Variants in DEPTOR observed in about 807,000 individuals in gnomAD.
DEPTOR encodes DEP domain-containing mTOR-interacting protein.
A neutral mutation model predicts 41.6 loss-of-function variants in DEPTOR; 41 were observed. The observed-to-expected ratio is 0.98, with a 90% CI of 0.77 to 1.28. The LOEUF is 1.28. Among genes scored for constraint, DEPTOR ranks in the 50% most tolerant of loss-of-function variants. DEPTOR has a pLI of 0.00. For synonymous variants in DEPTOR, 195 were observed against 192.3 expected (o/e 1.01, Z -0.12); for missense variants, 514 against 527.9 (o/e 0.97, Z 0.26).
At chr8:120,025,933 T>C (rs1021955424) in intron 8 of DEPTOR, among the ~76,000 whole-genome samples, 2 of 151,914 alleles carry the variant, frequency 1.3e-5, no homozygotes, top group South Asian at 4.1e-4. Flanking sequence ...TTACCTCCAT[T>C]ATAGCTTTTT....
intron 8 of DEPTOR, among the ~76,000 whole-genome samples, chr8:120,038,268 C>CAAAA (rs71771968): frequency 1.7e-5 from 2 of 116,614 alleles, no homozygotes; most frequent in African/African-American, 3.0e-5. Flanking sequence ...GAGTCTGTCT[C>CAAAA]AAAAAAAAAA....
intron 1 of DEPTOR, among the ~76,000 whole-genome samples, chr8:119,911,047 A>T (rs1284553211): frequency 2.6e-5 from 4 of 152,146 alleles, no homozygotes; most frequent in Admixed American, 1.3e-4. Flanking sequence ...TCAACACAGC[A>T]GAGCTGCCTC....
rs1453604293 is a variant in DEPTOR, at chr8:119,904,464, A to G, written c.123-23936A>G. Among the ~76,000 whole-genome samples the G allele has an allele frequency of 2.0e-5, 3 of 151,626 alleles. No homozygotes were observed. The East Asian group carries it at 5.9e-4, about 30-fold the overall frequency. On this transcript the variant is annotated intron_variant, in intron 1 of 8. Transcript: ENST00000286234. The stretch of plus-strand genomic sequence containing the variant: ...GTCAATTGCAGGTAGAAAAAACTGG[A>G]TACATTTTTTAAAAAATTAACTTTA...
intron 8 of DEPTOR, among the ~76,000 whole-genome samples, chr8:120,040,751 C>T (rs1056543453): frequency 6.6e-6 from 1 of 152,214 alleles, no homozygotes; most frequent in Admixed American, 6.5e-5. Flanking sequence ...CGTAAGTATT[C>T]TAGAGAGATG....
At position 120,003,019 on chromosome 8, in the gene DEPTOR, G is replaced by A. The variant is rs761205719; in HGVS notation, c.833G>A (p.Arg278Lys). ...ATCAAGATCGTGTCTGCAGTGAGGA[G>A]AAGCAGCATGAGCAGCTGTGGCAGC... ...KEIKIVSAVR[R>K]SSMSSCGSSG... is the part of the protein sequence containing the mutation. The change falls in exon 6 of 9, where the codon AGA (arginine) becomes AAA (lysine). Residue 278 changes from arginine to lysine, a missense_variant. Arg to Lys is a conservative substitution (Grantham distance 26). Coordinates refer to ENST00000286234, the MANE Select transcript of DEPTOR (RefSeq NM_022783.4). 6.2e-7 allele frequency: 1 copy of A among 1,603,288 alleles called. No homozygotes were observed. Among genetic ancestry groups the A allele is most frequent in the Non-Finnish European group, 8.5e-7 (1 of 1,175,256 alleles).
At chr8:119,998,215 A>G (rs1812298637) in intron 4 of DEPTOR, among the ~76,000 whole-genome samples, 2 of 152,154 alleles carry the variant, frequency 1.3e-5, no homozygotes, top group South Asian at 4.1e-4. Context: ...CAGCCTCCTG[A>G]GTAGTTGGGA....
chr8:119,929,774 T>A, intron 2 of DEPTOR, 41 bp from the exon 3 acceptor site: 1 of 1,561,576 alleles, frequency 6.4e-7, no homozygotes, highest in Non-Finnish European at 8.7e-7. Flanking sequence ...ATAAGAGCGA[T>A]TTTTTTTCTC....
chr8:119,873,863 G>A lies in DEPTOR; in HGVS notation c.17G>A (p.Ser6Asn). 1 of 1,613,384 alleles carries A rather than the reference G, an allele frequency of 6.2e-7. No homozygotes were observed. Among genetic ancestry groups the A allele is most frequent in the East Asian group, 2.2e-5 (1 of 44,826 alleles). MEEGG[S>N]TGSAGSDSST... is the part of the protein sequence containing the mutation. Reference sequence around the variant, plus strand: ...CCTAAAACCATGGAGGAGGGCGGCAGCACTGGCAGTGCTGGCAGTGACAGC... The same window carrying A: ...CCTAAAACCATGGAGGAGGGCGGCAACACTGGCAGTGCTGGCAGTGACAGC... Residue 6 changes from serine to asparagine, a missense_variant, in exon 1 of 9, where the codon AGC becomes AAC. By Grantham distance (46) the Ser-to-Asn change is conservative. Transcript: ENST00000286234.
At chr8:119,991,859 A>G (rs1812179155) in intron 4 of DEPTOR, among the ~76,000 whole-genome samples, 1 of 152,210 alleles carries the variant, frequency 6.6e-6, no homozygotes, top group African/African-American at 2.4e-5. Context: ...AGTCTTGACC[A>G]TTTTTAAATT....
intron 1 of DEPTOR, among the ~76,000 whole-genome samples, chr8:119,878,606 C>T (rs951269896): frequency 6.6e-6 from 1 of 151,596 alleles, no homozygotes; most frequent in Non-Finnish European, 1.5e-5. Flanking sequence ...TGATTATAGG[C>T]GTGAGCCACC....
At position 120,050,562 on chromosome 8, in the gene DEPTOR, CTT is replaced by C. The variant is rs1813221389; in HGVS notation, c.*860_*861del. 6.6e-6 allele frequency: 1 copy of C among 152,150 alleles called. No homozygotes were observed. Among genetic ancestry groups the C allele is most frequent in the Admixed American group, 6.5e-5 (1 of 15,268 alleles). The allele number at this position is 152,150 out of a possible 1,614,324, so 9.4% of individuals were successfully genotyped here. A position where few individuals can be genotyped will look rare whatever the true frequency, so the allele number is the denominator to read the frequency against. The stretch of plus-strand genomic sequence containing the variant: ...GTCTGTTTTTAAGGGAAGGCTAAAA[CTT>C]TGCTGATATGTGATAAAACTTGAAC... On this transcript the variant is annotated 3_prime_UTR_variant, in exon 9 of 9. Coordinates refer to ENST00000286234, the MANE Select transcript of DEPTOR (RefSeq NM_022783.4).
chr8:119,874,280 C>G, intron 1 of DEPTOR: 2 of 374,228 alleles, frequency 5.3e-6, no homozygotes, highest in Non-Finnish European at 9.6e-6. Context: ...TCCGTCTTCC[C>G]GTGTACCTGG....
chr8:119,994,309 G>A (rs4870969), intron 4 of DEPTOR, among the ~76,000 whole-genome samples: 122,047 of 152,050 alleles, frequency 0.8, 49,141 homozygotes, highest in African/African-American at 0.83. Flanking sequence ...GTCCCAAAAA[G>A]GTGTACAAAA....
At chr8:120,002,745 C>A (rs1174800741) in intron 5 of DEPTOR, among the ~76,000 whole-genome samples, 1 of 128,696 alleles carries the variant, frequency 7.8e-6, no homozygotes, top group Admixed American at 9.1e-5. Flanking sequence ...GTCACGTACT[C>A]CAGCCTGTGC....
intron 1 of DEPTOR, among the ~76,000 whole-genome samples, chr8:119,903,329 C>T (rs1827619659): frequency 1.3e-5 from 2 of 152,146 alleles, no homozygotes; most frequent in African/African-American, 4.8e-5. Context: ...AACTCCTGAC[C>T]TCAGGTGATC....
chr8:120,034,989 A>G (rs1812958680), intron 8 of DEPTOR, among the ~76,000 whole-genome samples: 1 of 149,910 alleles, frequency 6.7e-6, no homozygotes, highest in Non-Finnish European at 1.5e-5. Flanking sequence ...CCTCTTTGCT[A>G]TAAGCTTGTG....
At chr8:119,902,594 C>T (rs1000360094) in intron 1 of DEPTOR, among the ~76,000 whole-genome samples, 3 of 152,212 alleles carry the variant, frequency 2.0e-5, no homozygotes, top group Admixed American at 6.5e-5. Flanking sequence ...CTGCCTCGGC[C>T]TCCCAAAGTG....
chr8:120,002,776 C>CAAAAAAAAA, intron 5 of DEPTOR, among the ~76,000 whole-genome samples: 1 of 54,460 alleles, frequency 1.8e-5, no homozygotes, highest in Non-Finnish European at 3.3e-5. Flanking sequence ...GACTCCATCT[C>CAAAAAAAAA]AAAAAAAAAA....
At chr8:120,014,301 T>C (rs1389241004) in intron 8 of DEPTOR, among the ~76,000 whole-genome samples, 1 of 152,154 alleles carries the variant, frequency 6.6e-6, no homozygotes, top group Non-Finnish European at 1.5e-5. Context: ...CCAGGGCTTT[T>C]GGTTTCCTTT....
Sources: gnomAD v4.1 joint callset for allele counts (sites outside exome capture counted in the v4.1 genomes callset) on GRCh38, gnomAD v4.1.1 for gene constraint, MANE v1.5 for transcripts, NCBI Gene and HGNC (gene_info 2026-07-23, HGNC 2026-07-21) for gene names.